Variants in PARD3 observed in about 807,000 individuals in gnomAD.
PARD3 encodes par-3 family cell polarity regulator, also known as partitioning defective 3 homolog.
Under a neutral mutation model 155.4 loss-of-function variants are expected in PARD3, and 75 were observed. The ratio of observed to expected loss-of-function variants is 0.48; its 90% CI spans 0.40 to 0.58. PARD3 has a LOEUF of 0.58. Ranked by LOEUF, PARD3 falls within the 20% of genes least tolerant of loss-of-function variation. PARD3 has a pLI of 0.00. For synonymous variants in PARD3, 576 were observed against 610.5 expected, an observed-to-expected ratio of 0.94 and a Z score of 0.83; for missense variants, 1,642 against 1,721.7, an observed-to-expected ratio of 0.95 and a Z score of 0.82.
chr10:34,678,980 T>C (rs1209428011), intron 2 of PARD3, among the ~76,000 whole-genome samples: 1 of 152,030 alleles, frequency 6.6e-6, no homozygotes, highest in Non-Finnish European at 1.5e-5. Context: ...TTTGCAGGTT[T>C]CCCCTTCGCT....
intron 1 of PARD3, among the ~76,000 whole-genome samples, chr10:34,766,357 T>C (rs1035753777): frequency 1.3e-5 from 2 of 152,198 alleles, no homozygotes; most frequent in African/African-American, 2.4e-5. Flanking sequence ...TAAAATACTC[T>C]GATTCAACAC....
chr10:34,752,600 T>C (rs928722495), intron 1 of PARD3, among the ~76,000 whole-genome samples: 1 of 151,198 alleles, frequency 6.6e-6, no homozygotes, highest in Non-Finnish European at 1.5e-5. Flanking sequence ...CATGGCACTG[T>C]GAAGTGTTTT....
At chr10:34,463,304 G>A (rs1401180868) in intron 4 of PARD3, among the ~76,000 whole-genome samples, 26 of 113,614 alleles carry the variant, frequency 2.3e-4, no homozygotes, top group African/African-American at 8.6e-4. Flanking sequence ...GAAAGGGGAG[G>A]GGAAAGGGAA....
intron 1 of PARD3, among the ~76,000 whole-genome samples, chr10:34,701,900 C>T (rs1348765559): frequency 1.3e-5 from 2 of 152,192 alleles, no homozygotes; most frequent in Middle Eastern, 3.4e-3. Context: ...TGGTGGCTTA[C>T]GCCTGTAATC....
At chr10:34,752,629 C>T (rs1333097460) in intron 1 of PARD3, among the ~76,000 whole-genome samples, 4 of 151,680 alleles carry the variant, frequency 2.6e-5, no homozygotes, top group African/African-American at 9.7e-5. Context: ...CAAGTGTAAT[C>T]ATTACATCAA....
chr10:34,804,765 T>C (rs1016089262), intron 1 of PARD3, among the ~76,000 whole-genome samples: 5 of 152,188 alleles, frequency 3.3e-5, no homozygotes, highest in African/African-American at 1.2e-4. Context: ...AACACAGACA[T>C]AAAAACTTTT....
intron 20 of PARD3, among the ~76,000 whole-genome samples, chr10:34,311,288 G>A (rs974791717): frequency 6.6e-6 from 1 of 151,954 alleles, no homozygotes; most frequent in African/African-American, 2.4e-5. Context: ...TTTTAATAGA[G>A]ACAGGGCCTT....
At chr10:34,560,989 T>C (rs1306571251) in intron 2 of PARD3, among the ~76,000 whole-genome samples, 1 of 152,144 alleles carries the variant, frequency 6.6e-6, no homozygotes, top group Non-Finnish European at 1.5e-5. Context: ...CTATTTGGGA[T>C]AAGCTTTTAA....
intron 19 of PARD3, among the ~76,000 whole-genome samples, chr10:34,317,558 CA>C (rs1175214936): frequency 7.9e-5 from 12 of 152,136 alleles, no homozygotes; most frequent in African/African-American, 2.4e-4. Context: ...TCAGTAGCAG[CA>C]AAACAGCAGC....
chr10:34,771,358 T>C (rs1838835959), intron 1 of PARD3, among the ~76,000 whole-genome samples: 1 of 152,136 alleles, frequency 6.6e-6, no homozygotes, highest in South Asian at 2.1e-4. Flanking sequence ...GCAACAACTA[T>C]GCCCCCCACA....
intron 1 of PARD3, among the ~76,000 whole-genome samples, chr10:34,770,005 C>A (rs760314402): frequency 6.6e-6 from 1 of 152,124 alleles, no homozygotes; most frequent in Admixed American, 6.5e-5. Context: ...AATACAGCCC[C>A]AATTTCCCTG....
At chr10:34,364,835 G>A (rs2134547345) in intron 12 of PARD3, among the ~76,000 whole-genome samples, 1 of 152,212 alleles carries the variant, frequency 6.6e-6, no homozygotes, top group East Asian at 1.9e-4. Context: ...ATGTAAACAA[G>A]CCATTCACTA....
intron 1 of PARD3, among the ~76,000 whole-genome samples, chr10:34,794,996 G>A (rs1220127400): frequency 6.6e-6 from 1 of 152,252 alleles, no homozygotes; most frequent in Non-Finnish European, 1.5e-5. Context: ...AACCTAGGCA[G>A]GCTTACTGAC....
At chr10:34,227,881 T>TATACATATATATATATAC (rs1554814065) in intron 22 of PARD3, among the ~76,000 whole-genome samples, 1 of 133,738 alleles carries the variant, frequency 7.5e-6, no homozygotes, top group African/African-American at 2.9e-5. Context: ...TATATATATA[T>TATACATATATATATATAC]ATACTGGGAA....
At chr10:34,488,321 T>A (rs140910646) in intron 3 of PARD3, among the ~76,000 whole-genome samples, 1,659 of 151,956 alleles carry the variant, frequency 0.011, 31 homozygotes, top group African/African-American at 0.038. Context: ...TTATTTATTT[T>A]TATTTATTTA....
chr10:34,568,094 T>C (rs1020365189), intron 2 of PARD3, among the ~76,000 whole-genome samples: 1 of 152,212 alleles, frequency 6.6e-6, no homozygotes, highest in Non-Finnish European at 1.5e-5. Context: ...TGCCTCCCAG[T>C]GTCCATCTGC....
intron 1 of PARD3, among the ~76,000 whole-genome samples, chr10:34,800,037 GGAA>G (rs1173881863): frequency 6.6e-6 from 1 of 151,986 alleles, no homozygotes; most frequent in African/African-American, 2.4e-5. Context: ...GGCTGAGGCA[GGAA>G]GAATGCTTGA....
chr10:34,423,306 C>T (rs2075414512), intron 5 of PARD3, among the ~76,000 whole-genome samples: 1 of 151,968 alleles, frequency 6.6e-6, no homozygotes. Context: ...ATTGTGGTTA[C>T]CTGGGGTTAG....
At chr10:34,478,265 CAT>C (rs2078842632) in intron 3 of PARD3, among the ~76,000 whole-genome samples, 1 of 152,138 alleles carries the variant, frequency 6.6e-6, no homozygotes, top group African/African-American at 2.4e-5. Flanking sequence ...GCACCACAAA[CAT>C]AGTTTAAGGG....
Sources: gnomAD v4.1 joint callset for allele counts (sites outside exome capture counted in the v4.1 genomes callset) on GRCh38, gnomAD v4.1.1 for gene constraint, MANE v1.5 for transcripts, NCBI Gene and HGNC (gene_info 2026-07-23, HGNC 2026-07-21) for gene names.